Variants in FMN1 observed in about 807,000 individuals in gnomAD.
FMN1 encodes the protein formin 1.
Under a neutral mutation model 132.4 loss-of-function variants are expected in FMN1, and 110 were observed. That is an observed-to-expected ratio of 0.83 (90% confidence interval 0.71 to 0.97). FMN1 has a LOEUF of 0.97. FMN1 is among the 50% of genes least tolerant of loss of function. FMN1 has a pLI of 0.00. For missense variants in FMN1, 1,792 were observed against 1,705.3 expected (o/e 1.05, Z -0.90); for synonymous variants, 722 against 651.7 (o/e 1.11, Z -1.64).
In FMN1 at chr15:32,773,092, A is replaced by C. The variant is rs1451899847; in HGVS notation, c.*1218T>G. Reference sequence around the variant, plus strand: ...ACAAGATTTCAGAGACGTGGCTTAAAGACAAAAGTGTCAGAGAGGTCAAAG... The same window carrying C: ...ACAAGATTTCAGAGACGTGGCTTAACGACAAAAGTGTCAGAGAGGTCAAAG... On this transcript the variant is annotated 3_prime_UTR_variant, in exon 21 of 21. Coordinates refer to ENST00000616417, the MANE Select transcript of FMN1 (RefSeq NM_001277313.2). 6.6e-6 allele frequency: 1 copy of C among 152,224 alleles called. No homozygotes were observed. The highest frequency in any genetic ancestry group is 1.5e-5 in the Non-Finnish European group (1 of 68,044). 9.4% of individuals were successfully genotyped at this position (152,224 alleles called of 1,614,324 possible). A position where few individuals can be genotyped will look rare whatever the true frequency, so the allele number is the denominator to read the frequency against.
intron 6 of FMN1, among the ~76,000 whole-genome samples, chr15:33,018,679 A>C (rs542980767): frequency 6.6e-6 from 1 of 152,222 alleles, no homozygotes; most frequent in South Asian, 2.1e-4. Context: ...CACTGACTTC[A>C]AGAATGAAGC....
chr15:32,921,772 C>T (rs1158163475), intron 10 of FMN1, among the ~76,000 whole-genome samples: 2 of 150,986 alleles, frequency 1.3e-5, no homozygotes, highest in Non-Finnish European at 2.9e-5. Flanking sequence ...TACGCTCAAG[C>T]AATTCTCCCA....
Position 32,925,399 on chromosome 15 carries a change from G to T in FMN1, c.3226+775C>A, listed in dbSNP as rs374731319. On this transcript the variant is annotated intron_variant, in intron 10 of 20. Coordinates refer to ENST00000616417, the MANE Select transcript of FMN1 (RefSeq NM_001277313.2). Reference sequence around the variant, plus strand: ...TTCTTCCACTCAGATTAAGTCTCTAGATCAGACAGTTTATAGAAAACAGGG... The same window carrying T: ...TTCTTCCACTCAGATTAAGTCTCTATATCAGACAGTTTATAGAAAACAGGG... Among the ~76,000 whole-genome samples the T allele has an allele frequency of 1.3e-5, 2 of 152,242 alleles. 1 individual carries two copies. The highest frequency in any genetic ancestry group is 4.8e-5 in the African/African-American group (2 of 41,542).
intron 19 of FMN1, among the ~76,000 whole-genome samples, chr15:32,794,499 T>C (rs2057209814): frequency 6.6e-6 from 1 of 152,046 alleles, no homozygotes; most frequent in Admixed American, 6.6e-5. Flanking sequence ...GTGGGGGCAG[T>C]CTTAGGATAT....
chr15:33,190,897 G>T (rs926514384), intron 2 of FMN1, among the ~76,000 whole-genome samples: 1 of 152,108 alleles, frequency 6.6e-6, no homozygotes, highest in Non-Finnish European at 1.5e-5. Context: ...CTGGCCGGAC[G>T]TGGTAACTCA....
intron 6 of FMN1, among the ~76,000 whole-genome samples, chr15:33,011,260 G>C (rs956258106): frequency 1.3e-5 from 2 of 152,102 alleles, no homozygotes; most frequent in Non-Finnish European, 2.9e-5. Context: ...ATGATTTATA[G>C]GGTCACTTGA....
chr15:33,072,794 G>C (rs921594192), intron 5 of FMN1, among the ~76,000 whole-genome samples: 1 of 151,968 alleles, frequency 6.6e-6, no homozygotes, highest in African/African-American at 2.4e-5. Context: ...ATGGTGGTGG[G>C]CACCTGTAAT....
intron 17 of FMN1, among the ~76,000 whole-genome samples, chr15:32,831,672 A>G (rs1032995791): frequency 6.6e-6 from 1 of 152,090 alleles, no homozygotes; most frequent in African/African-American, 2.4e-5. Flanking sequence ...AGTAGACTAG[A>G]GACTATGAAG....
At chr15:32,967,626 T>TA (rs2031366177) in intron 8 of FMN1, among the ~76,000 whole-genome samples, 1 of 152,210 alleles carries the variant, frequency 6.6e-6, no homozygotes, top group South Asian at 2.1e-4. Context: ...TTGAATTTTG[T>TA]AAAAAAGAAG....
chr15:33,036,635 G>GA (rs2036205408), intron 6 of FMN1, among the ~76,000 whole-genome samples: 1 of 152,102 alleles, frequency 6.6e-6, no homozygotes, highest in South Asian at 2.1e-4. Context: ...AGACCAAGTA[G>GA]AGTTTAAAAT....
intron 9 of FMN1, among the ~76,000 whole-genome samples, chr15:32,935,906 G>C (rs1269611351): frequency 6.6e-6 from 1 of 152,102 alleles, no homozygotes; most frequent in Admixed American, 6.6e-5. Context: ...GATTACAGGC[G>C]TGAGCCACCG....
chr15:33,040,282 G>C (rs2036370476), intron 6 of FMN1, among the ~76,000 whole-genome samples: 1 of 152,124 alleles, frequency 6.6e-6, no homozygotes, highest in South Asian at 2.1e-4. Context: ...AGTCTCCTTT[G>C]TGTTCCACTA....
At chr15:32,993,011 T>C (rs1214172721) in intron 7 of FMN1, among the ~76,000 whole-genome samples, 1 of 152,222 alleles carries the variant, frequency 6.6e-6, no homozygotes, top group South Asian at 2.1e-4. Flanking sequence ...ATAAGGGTCA[T>C]GTGATACTTC....
intron 6 of FMN1, among the ~76,000 whole-genome samples, chr15:33,029,895 C>T (rs1445250836): frequency 2.6e-5 from 4 of 152,192 alleles, no homozygotes; most frequent in African/African-American, 7.2e-5. Context: ...CGGTGGCTCA[C>T]GCCTGTAATC....
chr15:32,879,541 T>C (rs942497773), intron 16 of FMN1, among the ~76,000 whole-genome samples: 2 of 152,198 alleles, frequency 1.3e-5, no homozygotes, highest in Middle Eastern at 3.2e-3. Flanking sequence ...AAGTGCAGAC[T>C]GCAAGGCCTC....
At chr15:32,865,186 G>A (rs1275180185) in intron 16 of FMN1, among the ~76,000 whole-genome samples, 1 of 152,164 alleles carries the variant, frequency 6.6e-6, no homozygotes, top group African/African-American at 2.4e-5. Context: ...TCAAAAAATT[G>A]ATTGTGGCAA....
At chr15:32,953,052 G>A (rs2061688593) in intron 9 of FMN1, among the ~76,000 whole-genome samples, 1 of 152,176 alleles carries the variant, frequency 6.6e-6, no homozygotes, top group Non-Finnish European at 1.5e-5. Context: ...AAGGGGCTTG[G>A]CGGCTAAGAA....
At chr15:33,080,213 G>A (rs563759700) in intron 5 of FMN1, among the ~76,000 whole-genome samples, 6 of 152,200 alleles carry the variant, frequency 3.9e-5, no homozygotes, top group Admixed American at 1.3e-4. Flanking sequence ...ACAAAAATGC[G>A]GCCCTCTCCA....
chr15:32,877,495 G>A (rs1317006156), intron 16 of FMN1, among the ~76,000 whole-genome samples: 6 of 152,230 alleles, frequency 3.9e-5, no homozygotes, highest in Admixed American at 2.6e-4. Context: ...AGTCTAGGGA[G>A]GAATTCAATA....
Sources: gnomAD v4.1 joint callset for allele counts (sites outside exome capture counted in the v4.1 genomes callset) on GRCh38, gnomAD v4.1.1 for gene constraint, MANE v1.5 for transcripts, NCBI Gene and HGNC (gene_info 2026-07-23, HGNC 2026-07-21) for gene names.